OSBPL1A: variants seen among roughly 807,000 people sequenced by gnomAD.
OSBPL1A encodes the protein oxysterol-binding protein-related protein 1.
In OSBPL1A, 80 loss-of-function variants were observed where a neutral mutation model predicts 137.1. The ratio of observed to expected loss-of-function variants is 0.58; its 90% confidence interval spans 0.49 to 0.70. The LOEUF is 0.70. Ranked by LOEUF, OSBPL1A falls within the 30% of genes least tolerant of loss-of-function variation. The probability of loss-of-function intolerance (pLI) is 0.00; values close to 1 mark genes in which losing one functional copy is unlikely to be tolerated. For synonymous variants in OSBPL1A, 365 were observed against 389.7 expected (o/e 0.94, Z 0.75); for missense variants, 970 against 1,129.4 (o/e 0.86, Z 2.02).
chr18:24,274,537 T>A (rs1368507305), intron 15 of OSBPL1A, among the ~76,000 whole-genome samples: 3 of 152,086 alleles, frequency 2.0e-5, no homozygotes, highest in African/African-American at 7.2e-5. Flanking sequence ...AGGGAGAATA[T>A]GAGGAGTGAG....
At chr18:24,372,342 G>A (rs1905719509) in intron 2 of OSBPL1A, among the ~76,000 whole-genome samples, 1 of 151,528 alleles carries the variant, frequency 6.6e-6, no homozygotes, top group Admixed American at 6.6e-5. Context: ...TGCTTCCATT[G>A]TTTCTGTGCT....
In OSBPL1A at chr18:24,250,080, T is replaced by C. The variant is rs563204049; in HGVS notation, c.1282-10698A>G. 5.3e-5 allele frequency among the ~76,000 whole-genome samples: 8 copies of C among 152,138 alleles called. No homozygotes were observed. The South Asian group carries it at 1.5e-3, about 28-fold the overall frequency. ...TCTAGGATACCAGTTCAGCCAGCCA[T>C]AGCAAGATAGGATGCTGGGCAGAAT... is the stretch of plus-strand genomic sequence containing the variant. On this transcript the variant is annotated intron_variant, in intron 15 of 27. Transcript: ENST00000319481.
chr18:24,393,647 G>A (rs762678210), intron 1 of OSBPL1A, among the ~76,000 whole-genome samples: 2 of 152,012 alleles, frequency 1.3e-5, no homozygotes, highest in African/African-American at 4.8e-5. Flanking sequence ...TAGAGCCGGG[G>A]TTTCACTGTG....
At chr18:24,244,159 T>C (rs1012255227) in intron 15 of OSBPL1A, among the ~76,000 whole-genome samples, 4 of 152,224 alleles carry the variant, frequency 2.6e-5, no homozygotes, top group Non-Finnish European at 5.9e-5. Flanking sequence ...GCTTAGAAAC[T>C]ATGGTGTAAC....
chr18:24,269,541 T>G, intron 15 of OSBPL1A, among the ~76,000 whole-genome samples: 1 of 152,206 alleles, frequency 6.6e-6, no homozygotes, highest in South Asian at 2.1e-4. Flanking sequence ...AAACAATCTA[T>G]AAATATTTAT....
Position 24,170,404 on chromosome 18 carries a change from T to G in OSBPL1A, c.2341A>C (p.Ser781Arg), listed in dbSNP as rs1214869448. 1 of 1,614,158 alleles carries G rather than the reference T, an allele frequency of 6.2e-7. No individual in the cohort carries two copies. Among genetic ancestry groups the G allele is most frequent in the African/African-American group, 1.3e-5 (1 of 75,060 alleles). ...LYGKWTECLY[S>R]VDPATFDAYK... ...GCGTCAAACGTGGCAGGGTCAACACTGTATAAACATTCAGTCCACTTCCCA... is the reference window on the plus strand; with the variant it reads ...GCGTCAAACGTGGCAGGGTCAACACGGTATAAACATTCAGTCCACTTCCCA... Residue 781 changes from serine to arginine, a missense_variant, in exon 24 of 28, where the codon AGT (serine) becomes CGT (arginine). By Grantham distance (110) the Ser-to-Arg change is moderately radical. Coordinates refer to ENST00000319481, the MANE Select transcript of OSBPL1A (RefSeq NM_080597.4).
chr18:24,303,769 A>G (rs756404438), intron 13 of OSBPL1A, 51 bp from the exon 14 acceptor site: 3 of 1,444,964 alleles, frequency 2.1e-6, no homozygotes, highest in Non-Finnish European at 2.9e-6. Flanking sequence ...AAGATTTTAC[A>G]TTACTTATGC....
At chr18:24,187,108 C>T (rs1324729163) in intron 18 of OSBPL1A, among the ~76,000 whole-genome samples, 1 of 151,974 alleles carries the variant, frequency 6.6e-6, no homozygotes, top group African/African-American at 2.4e-5. Flanking sequence ...CAGATTAGTC[C>T]ACTCCTAAGT....
intron 21 of OSBPL1A, among the ~76,000 whole-genome samples, chr18:24,173,751 T>C (rs1475168395): frequency 6.6e-6 from 1 of 152,252 alleles, no homozygotes; most frequent in Admixed American, 6.5e-5. Context: ...TTAATTTACA[T>C]AAGGTAAAAT....
chr18:24,270,414 G>A (rs1244318283), intron 15 of OSBPL1A, among the ~76,000 whole-genome samples: 2 of 152,138 alleles, frequency 1.3e-5, no homozygotes, highest in African/African-American at 4.8e-5. Context: ...ACAACTGGGG[G>A]CAAAGAAATT....
rs1250945629 is a variant in OSBPL1A, at chr18:24,179,448, C to A, written c.1910+290G>T. Among the ~76,000 whole-genome samples the A allele has an allele frequency of 3.2e-4, 47 of 144,834 alleles. 1 individual carries two copies. The South Asian group carries it at 4.2e-3, about 13-fold the overall frequency. Reference sequence around the variant, plus strand: ...TAAAACTTAAAGTAAAAAAAAAAAACAAAACAAAACTCGATCATGTCTCAT... The same window carrying A: ...TAAAACTTAAAGTAAAAAAAAAAAAAAAAACAAAACTCGATCATGTCTCAT... On this transcript the variant is annotated intron_variant, in intron 20 of 27. Transcript: ENST00000319481.
intron 4 of OSBPL1A, chr18:24,358,645 G>A: frequency 9.3e-6 from 6 of 646,000 alleles, no homozygotes; most frequent in Non-Finnish European, 1.4e-5. Flanking sequence ...GGTCTCCTAG[G>A]AAATCCTAAA....
chr18:24,395,679 A>C (rs1907684418), intron 1 of OSBPL1A, among the ~76,000 whole-genome samples: 1 of 151,674 alleles, frequency 6.6e-6, no homozygotes, highest in Admixed American at 6.6e-5. Flanking sequence ...GCAGTGCAAC[A>C]GCACGATCTC....
intron 2 of OSBPL1A, among the ~76,000 whole-genome samples, chr18:24,376,381 T>C (rs546474277): frequency 6.6e-6 from 1 of 152,328 alleles, no homozygotes; most frequent in East Asian, 1.9e-4. Context: ...AACCCTGAAC[T>C]AGACGCAGGG....
At chr18:24,267,153 T>TA (rs35547594) in intron 15 of OSBPL1A, among the ~76,000 whole-genome samples, 3,898 of 143,412 alleles carry the variant, frequency 0.027, 56 homozygotes, top group Middle Eastern at 0.04. Flanking sequence ...CAACCTAAGT[T>TA]AAAAAAAAAA....
chr18:24,327,595 G>A (rs1468215547), intron 7 of OSBPL1A, among the ~76,000 whole-genome samples: 1 of 151,996 alleles, frequency 6.6e-6, no homozygotes, highest in African/African-American at 2.4e-5. Flanking sequence ...TTTTAGTAGA[G>A]ACAGGATTTC....
intron 17 of OSBPL1A, among the ~76,000 whole-genome samples, chr18:24,209,488 C>CA (rs2087471074): frequency 1.3e-5 from 2 of 152,184 alleles, no homozygotes; most frequent in African/African-American, 2.4e-5. Context: ...TAACATCTTA[C>CA]AAAGCTAAAC....
chr18:24,384,957 A>ATTTTTT (rs199508399), intron 1 of OSBPL1A, among the ~76,000 whole-genome samples: 1 of 143,948 alleles, frequency 6.9e-6, no homozygotes. Flanking sequence ...ATAGGTTAGA[A>ATTTTTT]TTTTTTTTTT....
At chr18:24,328,624 T>C (rs140770933) in intron 7 of OSBPL1A, among the ~76,000 whole-genome samples, 161 of 152,206 alleles carry the variant, frequency 1.1e-3, no homozygotes, top group African/African-American at 3.8e-3. Flanking sequence ...GCAGAGAGAA[T>C]AGTATGTGCA....
Sources: gnomAD v4.1 joint callset for allele counts (sites outside exome capture counted in the v4.1 genomes callset) on GRCh38, gnomAD v4.1.1 for gene constraint, MANE v1.5 for transcripts, NCBI Gene and HGNC (gene_info 2026-07-23, HGNC 2026-07-21) for gene names.